Variants in ERC2 observed in about 807,000 individuals in gnomAD.
ERC2 encodes the protein ELKS/RAB6-interacting/CAST family member 2.
In ERC2, 42 loss-of-function variants were observed where a neutral mutation model predicts 114.8. That is an observed-to-expected ratio of 0.37 (90% confidence interval 0.29 to 0.47). The LOEUF (loss-of-function observed/expected upper bound fraction) is 0.47. Ranked by LOEUF, ERC2 falls within the 20% of genes least tolerant of loss-of-function variation. The probability of loss-of-function intolerance (pLI) is 0.99; values close to 1 mark genes in which losing one functional copy is unlikely to be tolerated. For synonymous variants in ERC2, 454 were observed against 425.5 expected, an observed-to-expected ratio of 1.07 and a Z score of -0.82; for missense variants, 939 against 1,150.7, an observed-to-expected ratio of 0.82 and a Z score of 2.66.
intron 3 of ERC2, among the ~76,000 whole-genome samples, chr3:56,208,056 A>G (rs2048845863): frequency 6.6e-6 from 1 of 152,386 alleles, no homozygotes; most frequent in South Asian, 2.1e-4. Flanking sequence ...GCAACACAGC[A>G]AAGTCGACTG....
intron 13 of ERC2, among the ~76,000 whole-genome samples, chr3:55,933,562 C>T (rs1348398950): frequency 6.6e-6 from 1 of 152,172 alleles, no homozygotes; most frequent in Non-Finnish European, 1.5e-5. Context: ...CCTATATGTG[C>T]AGGGCTATAT....
At chr3:56,404,725 T>TA (rs1045087628) in intron 2 of ERC2, among the ~76,000 whole-genome samples, 114 of 146,774 alleles carry the variant, frequency 7.8e-4, no homozygotes, top group Non-Finnish European at 1.1e-3. Context: ...TTTTTTAATT[T>TA]AAAAAAAAAA....
intron 3 of ERC2, among the ~76,000 whole-genome samples, chr3:56,201,617 C>T (rs1356486920): frequency 1.3e-5 from 2 of 152,154 alleles, no homozygotes; most frequent in Non-Finnish European, 2.9e-5. Flanking sequence ...CATATGCAGC[C>T]CAGCCACCAG....
At chr3:55,925,364 C>T (rs1051210917) in intron 13 of ERC2, among the ~76,000 whole-genome samples, 6 of 152,042 alleles carry the variant, frequency 3.9e-5, no homozygotes, top group Admixed American at 6.6e-5. Context: ...AGGGATTGGT[C>T]AGGAAGCCAC....
intron 14 of ERC2, among the ~76,000 whole-genome samples, chr3:55,750,849 G>A (rs2066656072): frequency 6.6e-6 from 1 of 152,188 alleles, no homozygotes; most frequent in South Asian, 2.1e-4. Context: ...GAGGATGTAG[G>A]AACATTATGT....
intron 17 of ERC2, among the ~76,000 whole-genome samples, chr3:55,564,600 T>C (rs1304344186): frequency 6.6e-6 from 1 of 152,254 alleles, no homozygotes; most frequent in African/African-American, 2.4e-5. Flanking sequence ...TACTTTCAGA[T>C]GGACACACAG....
At chr3:56,056,867 A>T (rs2076037258) in intron 7 of ERC2, among the ~76,000 whole-genome samples, 1 of 152,176 alleles carries the variant, frequency 6.6e-6, no homozygotes, top group Non-Finnish European at 1.5e-5. Flanking sequence ...ATTAGGCGCC[A>T]GTTATTGTAC....
intron 2 of ERC2, among the ~76,000 whole-genome samples, chr3:56,400,327 T>C (rs2060474840): frequency 6.6e-6 from 1 of 151,922 alleles, no homozygotes. Context: ...GCTGAGGGGG[T>C]CACAGAAATA....
At chr3:56,217,561 G>A (rs1227575767) in intron 3 of ERC2, among the ~76,000 whole-genome samples, 1 of 152,086 alleles carries the variant, frequency 6.6e-6, no homozygotes, top group Non-Finnish European at 1.5e-5. Flanking sequence ...TGGCCATACT[G>A]CCCAAGGTAA....
chr3:55,686,831 G>C (rs941545419), intron 16 of ERC2, among the ~76,000 whole-genome samples: 5 of 152,136 alleles, frequency 3.3e-5, no homozygotes, highest in Non-Finnish European at 5.9e-5. Flanking sequence ...GTGAGTGATT[G>C]TTCTGCCACC....
intron 6 of ERC2, among the ~76,000 whole-genome samples, chr3:56,108,141 C>T (rs898975805): frequency 6.6e-6 from 1 of 152,120 alleles, no homozygotes; most frequent in African/African-American, 2.4e-5. Flanking sequence ...GTAAGAAAAG[C>T]TAGTGAGCAC....
At chr3:56,053,154 C>T (rs983187236) in intron 7 of ERC2, among the ~76,000 whole-genome samples, 1 of 152,198 alleles carries the variant, frequency 6.6e-6, no homozygotes, top group Non-Finnish European at 1.5e-5. Context: ...ATTATAAGCC[C>T]TGCTCTCCCA....
intron 17 of ERC2, among the ~76,000 whole-genome samples, chr3:55,541,525 G>A (rs758018132): frequency 6.6e-6 from 1 of 152,212 alleles, no homozygotes; most frequent in Non-Finnish European, 1.5e-5. Flanking sequence ...TGCTAGGAAT[G>A]GTCATTCCCA....
intron 17 of ERC2, among the ~76,000 whole-genome samples, chr3:55,533,946 G>A (rs552353189): frequency 1.3e-5 from 2 of 152,306 alleles, no homozygotes; most frequent in South Asian, 4.1e-4. Flanking sequence ...TGGCGAGCTG[G>A]ATAAGAATGC....
At chr3:55,713,122 CTCTCTG>C (rs753029917) in intron 15 of ERC2, among the ~76,000 whole-genome samples, 3,517 of 117,040 alleles carry the variant, frequency 0.03, 129 homozygotes, top group African/African-American at 0.11. Flanking sequence ...CTCTCTCTCT[CTCTCTG>C]TCTCACACAC....
intron 7 of ERC2, among the ~76,000 whole-genome samples, chr3:56,056,799 G>C (rs2076033281): frequency 1.3e-5 from 2 of 152,106 alleles, no homozygotes. Flanking sequence ...TAAGAGACTG[G>C]AATGAATGAA....
chr3:55,559,025 G>A (rs139973333), intron 17 of ERC2, among the ~76,000 whole-genome samples: 162 of 152,342 alleles, frequency 1.1e-3, no homozygotes, highest in African/African-American at 3.8e-3. Context: ...GAGAGCAGGA[G>A]ACCCAGATGC....
At chr3:56,202,228 G>A (rs1413554286) in intron 3 of ERC2, among the ~76,000 whole-genome samples, 1 of 152,116 alleles carries the variant, frequency 6.6e-6, no homozygotes, top group Non-Finnish European at 1.5e-5. Context: ...CCTTATCCAT[G>A]AATTGCAGTG....
intron 17 of ERC2, among the ~76,000 whole-genome samples, chr3:55,606,017 C>T (rs151203265): frequency 1.1e-3 from 161 of 152,184 alleles, no homozygotes; most frequent in African/African-American, 3.7e-3. Flanking sequence ...TGAGTACAGA[C>T]GGTTGCACAA....
Sources: gnomAD v4.1 joint callset for allele counts (sites outside exome capture counted in the v4.1 genomes callset) on GRCh38, gnomAD v4.1.1 for gene constraint, MANE v1.5 for transcripts, NCBI Gene and HGNC (gene_info 2026-07-23, HGNC 2026-07-21) for gene names.